The following CCDC136 variants were observed in gnomAD, a reference collection of about 807,000 sequenced individuals.
CCDC136 encodes the protein coiled-coil domain-containing protein 136.
CCDC136 carries 100 observed loss-of-function variants against 141.2 expected under a neutral mutation model. The observed-to-expected ratio is 0.71, with a 90% CI of 0.60 to 0.84. The LOEUF (loss-of-function observed/expected upper bound fraction) is 0.84, where lower values mean the gene tolerates loss of function less well. CCDC136 is among the 40% of genes least tolerant of loss of function. The probability of loss-of-function intolerance (pLI) is 0.00; values close to 1 mark genes in which losing one functional copy is unlikely to be tolerated. For synonymous variants in CCDC136, 474 were observed against 531.9 expected (o/e 0.89, Z 1.50); for missense variants, 1,206 against 1,379.4 (o/e 0.87, Z 1.99).
Position 128,812,071 on chromosome 7 carries a change from A to G in CCDC136, c.2300A>G (p.Asp767Gly). The G allele has an allele frequency of 6.2e-7, 1 of 1,614,036 alleles. No homozygotes were observed. Among genetic ancestry groups the G allele is most frequent in the South Asian group, 1.1e-5 (1 of 91,084 alleles). The change falls in exon 13 of 18, where the codon GAT (aspartate) becomes GGT (glycine). Residue 767 changes from aspartate to glycine, a missense_variant. Transcript: ENST00000297788. ...NCRKTYDTTV[D>G]DNESYYKSYT... ...CGCAAGACTTATGATACCACTGTGG[A>G]TGACAATGAGAGCTATTACAAGAGT... is the stretch of plus-strand genomic sequence containing the variant.
In CCDC136 at chr7:128,812,332, A is replaced by C; in HGVS notation, c.2541+20A>C. On this transcript the variant is annotated intron_variant, in intron 13 of 17. Transcript: ENST00000297788. The stretch of plus-strand genomic sequence containing the variant: ...ATGGAGGTAATGGTTGCCAGGTGAC[A>C]GGTCAGGCAGGGGACGATGGACTCT... 1 of 1,603,294 alleles carries C rather than the reference A, an allele frequency of 6.2e-7. No individual in the cohort carries two copies. Among genetic ancestry groups the C allele is most frequent in the South Asian group, 1.1e-5 (1 of 89,934 alleles).
intron 4 of CCDC136, 49 bp downstream of exon 4, chr7:128,801,558 A>G: frequency 7.8e-7 from 1 of 1,288,982 alleles, no homozygotes; most frequent in Non-Finnish European, 1.1e-6. Flanking sequence ...AGGAAAGGAG[A>G]TAATATATAG....
At chr7:128,797,467 G>C (rs1443591126) in intron 3 of CCDC136, among the ~76,000 whole-genome samples, 1 of 152,200 alleles carries the variant, frequency 6.6e-6, no homozygotes, top group African/African-American at 2.4e-5. Context: ...AAGGAGAAAT[G>C]AACAAAAGAG....
rs909924041 is a variant in CCDC136 at position 128,814,620 on chromosome 7, G to T, written c.2764-18G>T. The T allele has an allele frequency of 9.2e-6, 14 of 1,520,664 alleles. No homozygotes were observed. The highest frequency in any genetic ancestry group is 1.1e-5 in the Non-Finnish European group (12 of 1,134,190). The allele number at this position is 1,520,664 out of a possible 1,614,324, so 94.2% of individuals were successfully genotyped here. ...ATAACCAGCCAACTCTGGGTAACTGGCCCTCCACTACCAACAGATCAAAGA... is the reference window on the plus strand; with the variant it reads ...ATAACCAGCCAACTCTGGGTAACTGTCCCTCCACTACCAACAGATCAAAGA... On this transcript the variant is annotated intron_variant, in intron 14 of 17. Transcript: ENST00000297788.
At chr7:128,800,141 A>AT (rs1259051182) in intron 3 of CCDC136, among the ~76,000 whole-genome samples, 2 of 152,088 alleles carry the variant, frequency 1.3e-5, no homozygotes, top group Non-Finnish European at 2.9e-5. Flanking sequence ...TACATAAAAT[A>AT]TTTTTTGCAA....
At position 128,807,352 on chromosome 7, in the gene CCDC136, C is replaced by T. The variant is rs761744943; in HGVS notation, c.1420-8C>T. The T allele has an allele frequency of 6.8e-7, 1 of 1,470,696 alleles. No individual in the cohort carries two copies. The highest frequency in any genetic ancestry group is 9.0e-7 in the Non-Finnish European group (1 of 1,105,062). The allele number at this position is 1,470,696 out of a possible 1,614,324, so 91.1% of individuals were successfully genotyped here. A position where few individuals can be genotyped will look rare whatever the true frequency, so the allele number is the denominator to read the frequency against. On this transcript the variant is annotated splice_polypyrimidine_tract_variant and splice_region_variant and intron_variant, in intron 9 of 17. Transcript: ENST00000297788. ...GGGATGATGGCCAGGCCTGCCTCCC[C>T]TGCCCAGGACACAGAGACGCACGCT...
At position 128,792,307 on chromosome 7, in the gene CCDC136, TC is replaced by T; in HGVS notation, c.-102del. ...CCCCCACCCCCCAGCCCCTCCTTTCTCCCTGCTCTCAGGACCCACAGTGACC... is the reference window on the plus strand; with the variant it reads ...CCCCCACCCCCCAGCCCCTCCTTTCTCCTGCTCTCAGGACCCACAGTGACC... On this transcript the variant is annotated 5_prime_UTR_variant, in exon 1 of 18. The change abolishes the stop of an existing upstream ORF in the 5' untranslated region. Coordinates refer to ENST00000297788, the MANE Select transcript of CCDC136 (RefSeq NM_022742.5). The T allele has an allele frequency of 8.2e-7, 1 of 1,223,370 alleles. No individual in the cohort carries two copies. The highest frequency in any genetic ancestry group is 1.1e-6 in the Non-Finnish European group (1 of 895,746). The allele number at this position is 1,223,370 out of a possible 1,614,324, so 75.8% of individuals were successfully genotyped here. A position where few individuals can be genotyped will look rare whatever the true frequency, so the allele number is the denominator to read the frequency against.
chr7:128,804,985 C>A (rs1304282998), intron 5 of CCDC136, among the ~76,000 whole-genome samples: 1 of 152,198 alleles, frequency 6.6e-6, no homozygotes, highest in Admixed American at 6.5e-5. Flanking sequence ...AAGTTTACTT[C>A]TGCTCTAGGC....
intron 13 of CCDC136, 150 bp from the exon 14 acceptor site, chr7:128,812,558 A>T: frequency 4.3e-6 from 3 of 702,434 alleles, no homozygotes; most frequent in Non-Finnish European, 7.2e-6. Context: ...CACAGCCACG[A>T]TGCTCTTTAT....
At chr7:128,816,402 G>C (rs1226017504) in intron 16 of CCDC136, among the ~76,000 whole-genome samples, 1 of 152,174 alleles carries the variant, frequency 6.6e-6, no homozygotes, top group Admixed American at 6.5e-5. Context: ...TGTGTCAGGG[G>C]ATAATCTCTT....
At position 128,810,252 on chromosome 7, in the gene CCDC136, A is replaced by G. The variant is rs1805506766; in HGVS notation, c.1914A>G (p.Glu638=). The change falls in exon 12 of 18, where the codon GAA becomes GAG. Residue 638 remains glutamate, a synonymous_variant. Transcript: ENST00000297788. The part of the protein sequence containing the change: ...LIQNQDCVLK[E]QLEIHEELRR... ...AGAACCAAGACTGTGTATTAAAAGAACAATTAGAGATCCACGAAGAGCTGC... is the reference window on the plus strand; with the variant it reads ...AGAACCAAGACTGTGTATTAAAAGAGCAATTAGAGATCCACGAAGAGCTGC... 1.2e-6 allele frequency: 2 copies of G among 1,613,634 alleles called. No homozygotes were observed. The highest frequency in any genetic ancestry group is 1.3e-5 in the African/African-American group (1 of 74,936).
In CCDC136 at chr7:128,814,769, C is replaced by T. The variant is rs748280961; in HGVS notation, c.2895C>T (p.Arg965=). ...TGCAGTGCTGCCAGGAGGAGCTCCG[C>T]CAGCTCAGGGAGAAGAGGCCTTCTG... ...GQLQCCQEEL[R]QLREKRPSVV... The change falls in exon 15 of 18, where the codon CGC becomes CGT. Residue 965 remains arginine, a synonymous_variant. Transcript: ENST00000297788. 2 of 1,613,532 alleles carry T rather than the reference C, an allele frequency of 1.2e-6. No homozygotes were observed. The highest frequency in any genetic ancestry group is 2.2e-5 in the South Asian group (2 of 90,994).
At chr7:128,815,232 G>GC (rs767883757) in intron 15 of CCDC136, among the ~76,000 whole-genome samples, 38 of 152,300 alleles carry the variant, frequency 2.5e-4, no homozygotes, top group Non-Finnish European at 3.8e-4. Flanking sequence ...TGGGTTACAT[G>GC]CCCAAGAGAA....
Position 128,817,800 on chromosome 7 carries a change from G to T in CCDC136, c.3406G>T (p.Val1136Leu). 2 of 1,613,630 alleles carry T rather than the reference G, an allele frequency of 1.2e-6. No individual in the cohort carries two copies. The highest frequency in any genetic ancestry group is 1.1e-5 in the South Asian group (1 of 91,066). Residue 1136 changes from valine (V) to leucine (L), a missense_variant, in exon 17 of 18, where the codon GTA (valine) becomes TTA (leucine). Physicochemically the swap from Val to Leu is conservative, Grantham distance 32. Coordinates refer to ENST00000297788, the MANE Select transcript of CCDC136 (RefSeq NM_022742.5). The surrounding 1 kb of genome is among the most constrained non-coding windows in gnomAD (Gnocchi z 4.6). ...PNPPIFSLPLVGLVVISALLW... is the reference protein window; with the variant it reads ...PNPPIFSLPLLGLVVISALLW... ...TCCCCCCATCTTCTCCTTGCCTCTT[G>T]TAGGCCTGGTGGTCATCTCGGCTTT...
chr7:128,806,672 G>T lies in CCDC136; in HGVS notation c.1249-16G>T. The T allele has an allele frequency of 6.2e-7, 1 of 1,604,584 alleles. No individual in the cohort carries two copies. Among genetic ancestry groups the T allele is most frequent in the Admixed American group, 1.7e-5 (1 of 59,278 alleles). On this transcript the variant is annotated splice_polypyrimidine_tract_variant and intron_variant, in intron 8 of 17. Transcript: ENST00000297788. ...AAGGAGCCCAAAGGCACTGCCCAAA[G>T]CCCCCTCTACCATAGGAGTTACTGT...
intron 3 of CCDC136, among the ~76,000 whole-genome samples, chr7:128,798,918 A>G (rs772056391): frequency 1.3e-5 from 2 of 149,734 alleles, no homozygotes; most frequent in Non-Finnish European, 3.0e-5. Context: ...ATAGTTCCAC[A>G]TGTGAGCTCA....
In CCDC136 at chr7:128,821,893, T is replaced by A; in HGVS notation, c.*100T>A. ...AACATGCGACAGCAGGAGTCAGAGT[T>A]CTGCCTCATGGAGTGATGGCAGACC... On this transcript the variant is annotated 3_prime_UTR_variant, in exon 18 of 18. Coordinates refer to ENST00000297788, the MANE Select transcript of CCDC136 (RefSeq NM_022742.5). The surrounding 1 kb of genome is among the most constrained non-coding windows in gnomAD (Gnocchi z 5.1). 7.8e-7 allele frequency: 1 copy of A among 1,290,006 alleles called. No homozygotes were observed. Among genetic ancestry groups the A allele is most frequent in the Non-Finnish European group, 1.0e-6 (1 of 988,912 alleles). 79.9% of individuals were successfully genotyped at this position (1,290,006 alleles called of 1,614,324 possible). A position where few individuals can be genotyped will look rare whatever the true frequency, so the allele number is the denominator to read the frequency against.
At chr7:128,799,657 G>A (rs1165581025) in intron 3 of CCDC136, among the ~76,000 whole-genome samples, 1 of 151,842 alleles carries the variant, frequency 6.6e-6, no homozygotes, top group African/African-American at 2.4e-5. Context: ...TTTTGAGGAA[G>A]TGGAGGTACA....
At chr7:128,796,773 G>A (rs1241115289) in intron 3 of CCDC136, among the ~76,000 whole-genome samples, 2 of 120,198 alleles carry the variant, frequency 1.7e-5, no homozygotes, top group East Asian at 2.4e-4. Context: ...ACGGAGTCTC[G>A]CTCTGTCGCC....
Sources: gnomAD v4.1 joint callset for allele counts (sites outside exome capture counted in the v4.1 genomes callset) on GRCh38, gnomAD v4.1.1 for gene constraint, Gnocchi (gnomAD v3.1) non-coding constraint, MANE v1.5 for transcripts, NCBI Gene and HGNC (gene_info 2026-07-23, HGNC 2026-07-21) for gene names.